Variants in KIF16B observed in about 807,000 individuals in gnomAD.
KIF16B encodes the protein kinesin-like protein KIF16B.
Under a neutral mutation model 156.3 loss-of-function variants are expected in KIF16B, and 98 were observed. The ratio of observed to expected loss-of-function variants is 0.63; its 90% CI spans 0.53 to 0.74. The LOEUF is 0.74. KIF16B is among the 30% of genes least tolerant of loss of function. The pLI, the probability that KIF16B is intolerant of heterozygous loss-of-function variation, is 0.00. For synonymous variants in KIF16B, 564 were observed against 583.7 expected, an observed-to-expected ratio of 0.97 and a Z score of 0.49; for missense variants, 1,421 against 1,606.5, an observed-to-expected ratio of 0.88 and a Z score of 1.97.
At chr20:16,571,289 C>T (rs1246404343) in intron 1 of KIF16B, among the ~76,000 whole-genome samples, 2 of 152,180 alleles carry the variant, frequency 1.3e-5, no homozygotes, top group Non-Finnish European at 2.9e-5. Context: ...TCCTGCCTTC[C>T]AATTTCATCT....
chr20:16,546,895 G>T (rs2070427988), intron 1 of KIF16B, among the ~76,000 whole-genome samples: 1 of 152,066 alleles, frequency 6.6e-6, no homozygotes, highest in Non-Finnish European at 1.5e-5. Context: ...TCCTGACTCA[G>T]CCTCCTGAGT....
At chr20:16,529,616 G>A (rs945125168) in intron 1 of KIF16B, among the ~76,000 whole-genome samples, 1 of 152,160 alleles carries the variant, frequency 6.6e-6, no homozygotes, top group South Asian at 2.1e-4. Context: ...TTTTGAAGTG[G>A]CTGAATGAGA....
chr20:16,511,724 G>T (rs1382965774), intron 5 of KIF16B, among the ~76,000 whole-genome samples, 197 bp from the exon 6 acceptor site: 1 of 152,140 alleles, frequency 6.6e-6, no homozygotes, highest in Non-Finnish European at 1.5e-5. Context: ...AACTTTAAGG[G>T]AAAGGACATA....
intron 12 of KIF16B, among the ~76,000 whole-genome samples, chr20:16,491,960 C>T (rs548369073): frequency 1.3e-5 from 2 of 152,298 alleles, no homozygotes; most frequent in African/African-American, 2.4e-5. Flanking sequence ...AAGGAACTTT[C>T]AAGAGCAATT....
chr20:16,318,571 C>T (rs923883103), intron 24 of KIF16B, among the ~76,000 whole-genome samples: 2 of 152,024 alleles, frequency 1.3e-5, no homozygotes, highest in Non-Finnish European at 1.5e-5. Context: ...GGAACACAGA[C>T]ATCAAGTGAA....
At chr20:16,418,591 G>C (rs563562503) in intron 15 of KIF16B, among the ~76,000 whole-genome samples, 1 of 152,026 alleles carries the variant, frequency 6.6e-6, no homozygotes, top group Non-Finnish European at 1.5e-5. Context: ...AGAAACCATC[G>C]ACCATGGAGT....
chr20:16,388,476 T>A (rs1171818496), intron 17 of KIF16B, among the ~76,000 whole-genome samples: 1 of 152,208 alleles, frequency 6.6e-6, no homozygotes, highest in African/African-American at 2.4e-5. Flanking sequence ...ACTGGAATTA[T>A]CATGGCCCCC....
At position 16,404,865 on chromosome 20, in the gene KIF16B, C is replaced by T. The variant is rs764545755; in HGVS notation, c.1732G>A (p.Asp578Asn). The change falls in exon 17 of 26, where the codon GAC becomes AAC. Residue 578 changes from aspartate to asparagine, a missense_variant. Physicochemically the swap from Asp to Asn is conservative, Grantham distance 23 (BLOSUM62 1). Coordinates refer to ENST00000354981, the MANE Select transcript of KIF16B (RefSeq NM_024704.5). ...LLSSFSLSMT[D>N]LSKSRENLSA... The stretch of plus-strand genomic sequence containing the variant: ...AGGTTCTCACGGGACTTCGAGAGGT[C>T]GGTCATGGACAAGCTGAAGGAGGAC... 20 of 1,613,272 alleles carry T rather than the reference C, an allele frequency of 1.2e-5. No homozygotes were observed. Among genetic ancestry groups the T allele is most frequent in the African/African-American group, 2.7e-5 (2 of 74,852 alleles).
At chr20:16,517,462 C>T (rs2069179176) in intron 3 of KIF16B, among the ~76,000 whole-genome samples, 3 of 152,190 alleles carry the variant, frequency 2.0e-5, no homozygotes, top group Admixed American at 1.3e-4. Flanking sequence ...CAAAACGCTA[C>T]AGGGAGAGTA....
At chr20:16,483,810 G>A (rs1157789796) in intron 12 of KIF16B, among the ~76,000 whole-genome samples, 2 of 152,052 alleles carry the variant, frequency 1.3e-5, no homozygotes, top group African/African-American at 4.8e-5. Flanking sequence ...GCTCACTATT[G>A]CTCCACCAAC....
At chr20:16,503,355 A>T (rs1164823976) in intron 10 of KIF16B, among the ~76,000 whole-genome samples, 4 of 152,232 alleles carry the variant, frequency 2.6e-5, no homozygotes, top group Non-Finnish European at 5.9e-5. Flanking sequence ...GCATGTGGAG[A>T]TATTTTTAAG....
Position 16,497,630 on chromosome 20 carries a change from G to T in KIF16B, c.1225C>A (p.Gln409Lys). Residue 409 changes from glutamine to lysine, a missense_variant, in exon 11 of 26, where the codon CAG (glutamine) becomes AAG (lysine). By Grantham distance (53) the Gln-to-Lys change is moderately conservative. Transcript: ENST00000354981. The part of the protein sequence containing the change: ...PTALSMEEKL[Q>K]QNEARVQELT... ...TCACTTACTCTTGCTTCATTCTGCT[G>T]AAGTTTTTCCTCCATACTTAAAGCT... is the stretch of plus-strand genomic sequence containing the variant. 1 of 1,610,880 alleles carries T rather than the reference G, an allele frequency of 6.2e-7. No homozygotes were observed. The highest frequency in any genetic ancestry group is 8.5e-7 in the Non-Finnish European group (1 of 1,177,310).
At chr20:16,354,610 C>G (rs967809217) in intron 23 of KIF16B, among the ~76,000 whole-genome samples, 1 of 152,104 alleles carries the variant, frequency 6.6e-6, no homozygotes, top group African/African-American at 2.4e-5. Flanking sequence ...CATAGCGTAA[C>G]ATTTAAATAA....
At chr20:16,554,399 G>C (rs1195438203) in intron 1 of KIF16B, among the ~76,000 whole-genome samples, 1 of 152,184 alleles carries the variant, frequency 6.6e-6, no homozygotes, top group African/African-American at 2.4e-5. Flanking sequence ...TGCCTGCAGA[G>C]TGGAGCTACC....
chr20:16,354,378 C>T (rs2123133018), intron 23 of KIF16B, among the ~76,000 whole-genome samples: 1 of 152,086 alleles, frequency 6.6e-6, no homozygotes, highest in South Asian at 2.1e-4. Flanking sequence ...GGAAGCCAGT[C>T]TTCACTCTCT....
At chr20:16,435,250 G>A (rs1185128751) in intron 12 of KIF16B, among the ~76,000 whole-genome samples, 1 of 152,058 alleles carries the variant, frequency 6.6e-6, no homozygotes, top group Non-Finnish European at 1.5e-5. Context: ...TTCTTGCCTT[G>A]GCATCTGAAT....
chr20:16,537,879 TTTTTAGTAGAGACGGGG>T (rs1473717590), intron 1 of KIF16B, among the ~76,000 whole-genome samples: 1 of 151,952 alleles, frequency 6.6e-6, no homozygotes, highest in African/African-American at 2.4e-5. Flanking sequence ...AATTTTTGTA[TTTTTAGTAGAGACGGGG>T]TTTCTCCATG....
chr20:16,370,711 G>C, intron 21 of KIF16B, 75 bp from the exon 22 acceptor site: 1 of 1,046,850 alleles, frequency 9.6e-7, no homozygotes. Flanking sequence ...TCGATTACAA[G>C]TATTTATGGG....
chr20:16,494,175 G>C (rs1210766213), intron 12 of KIF16B, 116 bp downstream of exon 12: 3 of 647,436 alleles, frequency 4.6e-6, no homozygotes, highest in Non-Finnish European at 8.0e-6. Flanking sequence ...ATTGGTTCCA[G>C]TGATCTTACC....
Sources: allele counts gnomAD v4.1 joint callset (sites outside exome capture counted in the v4.1 genomes callset), GRCh38; gene constraint gnomAD v4.1.1; transcripts MANE v1.5; gene names NCBI Gene and HGNC (gene_info 2026-07-23, HGNC 2026-07-21).